Variants in CSMD1 observed in about 807,000 individuals in gnomAD.
The protein encoded by CSMD1 is CUB and Sushi multiple domains 1.
In CSMD1, 213 loss-of-function variants were observed where a neutral mutation model predicts 417.5. That is an observed-to-expected ratio of 0.51 (90% CI 0.46 to 0.57). CSMD1 has a LOEUF of 0.57. Ranked by LOEUF, CSMD1 falls within the 20% of genes least tolerant of loss-of-function variation. The probability of loss-of-function intolerance (pLI) is 0.00; values close to 1 mark genes in which losing one functional copy is unlikely to be tolerated. For synonymous variants in CSMD1, 2,862 were observed against 1,736.8 expected (o/e 1.65, Z -16.11); for missense variants, 6,923 against 4,529.7 (o/e 1.53, Z -15.17).
chr8:3,094,712 T>A (rs117554834), intron 47 of CSMD1, among the ~76,000 whole-genome samples: 1 of 147,602 alleles, frequency 6.8e-6, no homozygotes, highest in Non-Finnish European at 1.5e-5. Context: ...CCATAGAGAG[T>A]AATATACTCT....
At chr8:2,984,644 G>A (rs889290686) in intron 54 of CSMD1, among the ~76,000 whole-genome samples, 3 of 152,304 alleles carry the variant, frequency 2.0e-5, no homozygotes, top group Non-Finnish European at 4.4e-5. Flanking sequence ...ACCGCGCCTC[G>A]CCTCATTCTT....
intron 3 of CSMD1, among the ~76,000 whole-genome samples, chr8:4,308,508 T>A (rs11783438): frequency 0.53 from 81,348 of 152,102 alleles, 25,377 homozygotes; most frequent in Admixed American, 0.71. Context: ...GCCATTTCAG[T>A]ACTTCAGAGA....
At chr8:3,351,997 CT>C (rs151231853) in intron 21 of CSMD1, among the ~76,000 whole-genome samples, 1 of 151,468 alleles carries the variant, frequency 6.6e-6, no homozygotes, top group East Asian at 1.9e-4. Context: ...GCTTTGTCAC[CT>C]TTTTTTTCGG....
chr8:4,077,306 T>TATATATGTAC (rs1563092845), intron 3 of CSMD1, among the ~76,000 whole-genome samples: 3 of 138,580 alleles, frequency 2.2e-5, no homozygotes, highest in African/African-American at 8.1e-5. Flanking sequence ...TGTATATATA[T>TATATATGTAC]ATATATATAT....
rs1800874210 is a variant in CSMD1, at chr8:3,592,080, CG to C, written c.1098-5821del. Reference sequence around the variant, plus strand: ...GATGATAGATAGATGGAGGAATTGACGGATTAGAGAGACAGATAAATAGATG... The same window carrying C: ...GATGATAGATAGATGGAGGAATTGACGATTAGAGAGACAGATAAATAGATG... On this transcript the variant is annotated intron_variant, in intron 8 of 69. Coordinates refer to ENST00000635120, the MANE Select transcript of CSMD1 (RefSeq NM_033225.6). Among the ~76,000 whole-genome samples, 4 of 151,472 alleles carry C rather than the reference CG, an allele frequency of 2.6e-5. No homozygotes were observed. In the South Asian group the frequency reaches 8.4e-4, roughly 32 times the overall value.
chr8:3,412,829 T>A (rs1237706810), intron 12 of CSMD1, among the ~76,000 whole-genome samples: 1 of 152,236 alleles, frequency 6.6e-6, no homozygotes, highest in East Asian at 1.9e-4. Flanking sequence ...TGGGATGCCT[T>A]GAATGAGCGT....
At chr8:3,351,598 C>CAAAAAAAAAAAAAAAAAAA (rs10718608) in intron 21 of CSMD1, among the ~76,000 whole-genome samples, 1 of 124,268 alleles carries the variant, frequency 8.0e-6, no homozygotes, top group African/African-American at 3.0e-5. Context: ...GACTCTGTTT[C>CAAAAAAAAAAAAAAAAAAA]AAAAAAAAAA....
At chr8:3,168,179 A>C (rs1042068323) in intron 37 of CSMD1, among the ~76,000 whole-genome samples, 1 of 152,204 alleles carries the variant, frequency 6.6e-6, no homozygotes, top group African/African-American at 2.4e-5. Flanking sequence ...GGGTCAAGAA[A>C]TCAAAATACA....
intron 59 of CSMD1, among the ~76,000 whole-genome samples, chr8:2,964,560 G>T (rs1011533537): frequency 6.6e-6 from 1 of 152,178 alleles, no homozygotes; most frequent in South Asian, 2.1e-4. Flanking sequence ...AACACAATGG[G>T]TACTAGAAAG....
chr8:4,703,890 G>C (rs1807744836), intron 1 of CSMD1, among the ~76,000 whole-genome samples: 3 of 152,096 alleles, frequency 2.0e-5, no homozygotes, highest in African/African-American at 7.2e-5. Context: ...GGACGGTTTT[G>C]GGATGAAACT....
chr8:4,556,894 C>T (rs1217359739), intron 2 of CSMD1, among the ~76,000 whole-genome samples: 1 of 152,128 alleles, frequency 6.6e-6, no homozygotes, highest in Non-Finnish European at 1.5e-5. Context: ...CCTGCAAAAT[C>T]AAAATTTATG....
chr8:4,196,976 C>G (rs574533936), intron 3 of CSMD1, among the ~76,000 whole-genome samples: 82 of 152,260 alleles, frequency 5.4e-4, no homozygotes, highest in Middle Eastern at 6.8e-3. Flanking sequence ...AGCCTCACCG[C>G]CCCTCACAAT....
At chr8:3,641,200 T>A (rs184247717) in intron 7 of CSMD1, among the ~76,000 whole-genome samples, 31 of 152,168 alleles carry the variant, frequency 2.0e-4, no homozygotes, top group East Asian at 7.8e-4. Context: ...CTGGGGTACA[T>A]TGCCTTTTCC....
chr8:4,607,716 G>C (rs952936299), intron 2 of CSMD1, among the ~76,000 whole-genome samples: 9 of 152,212 alleles, frequency 5.9e-5, no homozygotes, highest in Admixed American at 2.6e-4. Context: ...TCCACCCCTT[G>C]GTTAAAGAAA....
intron 5 of CSMD1, among the ~76,000 whole-genome samples, chr8:3,861,546 C>G (rs529168703): frequency 6.6e-6 from 1 of 152,274 alleles, no homozygotes; most frequent in South Asian, 2.1e-4. Flanking sequence ...TGGGATTTAA[C>G]TCCACGTGAG....
At chr8:4,502,973 C>G (rs1351985111) in intron 2 of CSMD1, among the ~76,000 whole-genome samples, 1 of 152,066 alleles carries the variant, frequency 6.6e-6, no homozygotes, top group Non-Finnish European at 1.5e-5. Context: ...GATTAAACAG[C>G]CTGAAAATCA....
intron 5 of CSMD1, among the ~76,000 whole-genome samples, chr8:3,915,819 T>G (rs888639209): frequency 6.8e-6 from 1 of 147,078 alleles, no homozygotes; most frequent in Non-Finnish European, 1.5e-5. Flanking sequence ...TAGTATGCAT[T>G]TTGGGGTTTA....
intron 1 of CSMD1, among the ~76,000 whole-genome samples, chr8:4,730,110 G>A (rs938632010): frequency 1.3e-5 from 2 of 152,038 alleles, no homozygotes; most frequent in South Asian, 2.1e-4. Context: ...TTTCGTCTCC[G>A]CACTTAGAAG....
chr8:3,061,234 T>A (rs1812569684), intron 49 of CSMD1, among the ~76,000 whole-genome samples: 2 of 152,148 alleles, frequency 1.3e-5, no homozygotes, highest in Non-Finnish European at 2.9e-5. Flanking sequence ...AGGGGTTCTT[T>A]GACAGATGTA....
Sources: allele counts gnomAD v4.1 joint callset (sites outside exome capture counted in the v4.1 genomes callset), GRCh38; gene constraint gnomAD v4.1.1; transcripts MANE v1.5; gene names NCBI Gene and HGNC (gene_info 2026-07-23, HGNC 2026-07-21).